The following CREB5 variants were observed in gnomAD, a reference collection of about 807,000 sequenced individuals.
CREB5 encodes cyclic AMP-responsive element-binding protein 5.
CREB5 carries 19 observed loss-of-function variants against 57.1 expected under a neutral mutation model. The observed-to-expected ratio is 0.33, with a 90% CI of 0.23 to 0.49. The LOEUF (loss-of-function observed/expected upper bound fraction) is 0.49. CREB5 is among the 20% of genes least tolerant of loss of function. The pLI is 0.99. For missense variants in CREB5, 579 were observed against 671.6 expected (o/e 0.86, Z 1.52); for synonymous variants, 238 against 238.3 (o/e 1.00, Z 0.01).
At chr7:28,585,719 A>G (rs192743980) in intron 5 of CREB5, among the ~76,000 whole-genome samples, 1 of 152,158 alleles carries the variant, frequency 6.6e-6, no homozygotes, top group African/African-American at 2.4e-5. Context: ...CACCACCAGA[A>G]TTGTTCTGGG....
chr7:28,743,102 C>T (rs537102816), intron 7 of CREB5, among the ~76,000 whole-genome samples: 7 of 152,002 alleles, frequency 4.6e-5, no homozygotes, highest in Non-Finnish European at 8.8e-5. Context: ...TTTTACTAAT[C>T]GAGTGTTGAG....
At chr7:28,551,856 T>TTTC (rs1473390370) in intron 4 of CREB5, among the ~76,000 whole-genome samples, 2 of 137,600 alleles carry the variant, frequency 1.5e-5, no homozygotes, top group African/African-American at 5.4e-5. Context: ...TCTTTCTTTC[T>TTTC]TTTCTTTCTT....
At chr7:28,334,787 T>C (rs944090787) in intron 1 of CREB5, among the ~76,000 whole-genome samples, 1 of 152,224 alleles carries the variant, frequency 6.6e-6, no homozygotes, top group Non-Finnish European at 1.5e-5. Context: ...CCCAGTCCAA[T>C]GTCCTGGAGA....
chr7:28,315,369 C>G (rs1488631075), intron 1 of CREB5, among the ~76,000 whole-genome samples: 1 of 152,200 alleles, frequency 6.6e-6, no homozygotes, highest in Non-Finnish European at 1.5e-5. Flanking sequence ...TATGATGACT[C>G]TGTTTGCAGC....
At chr7:28,692,580 A>T (rs1358028375) in intron 5 of CREB5, among the ~76,000 whole-genome samples, 1 of 152,162 alleles carries the variant, frequency 6.6e-6, no homozygotes, top group Non-Finnish European at 1.5e-5. Context: ...TCTCTGTGCC[A>T]CAGTTTCTAT....
At position 28,650,591 on chromosome 7, in the gene CREB5, TC is replaced by T. The variant is rs573974970; in HGVS notation, c.465-68154del. On this transcript the variant is annotated intron_variant, in intron 5 of 10. Transcript: ENST00000357727. ...GGCTACTAAGAATTAGCCTAGTGCT[TC>T]CCCCCCCAACCTTCCATAGGAAATT... Among the ~76,000 whole-genome samples the T allele has an allele frequency of 9.9e-5, 15 of 150,960 alleles. No individual in the cohort carries two copies. In the South Asian group the frequency reaches 1.5e-3, roughly 15 times the overall value.
chr7:28,680,968 G>C (rs1301409528), intron 5 of CREB5, among the ~76,000 whole-genome samples: 1 of 152,048 alleles, frequency 6.6e-6, no homozygotes, highest in African/African-American at 2.4e-5. Context: ...ATATTTAGCT[G>C]CTCTCACCTC....
intron 5 of CREB5, among the ~76,000 whole-genome samples, chr7:28,672,727 A>G (rs771075067): frequency 3.3e-5 from 5 of 152,184 alleles, no homozygotes; most frequent in Admixed American, 1.3e-4. Context: ...CAGTGCTGTC[A>G]TAGAAACAGC....
chr7:28,513,922 T>G (rs552285482), intron 4 of CREB5: 5 of 152,274 alleles, frequency 3.3e-5, no homozygotes, highest in African/African-American at 1.2e-4. Flanking sequence ...TGTTTTTGGG[T>G]TTTTTGGTGA....
intron 1 of CREB5, among the ~76,000 whole-genome samples, chr7:28,347,616 T>C (rs751196217): frequency 6.6e-6 from 1 of 152,186 alleles, no homozygotes; most frequent in Non-Finnish European, 1.5e-5. Context: ...TTCTAAATAA[T>C]ACTAACCCTG....
At chr7:28,331,899 T>A (rs1462409211) in intron 1 of CREB5, among the ~76,000 whole-genome samples, 1 of 151,826 alleles carries the variant, frequency 6.6e-6, no homozygotes, top group Non-Finnish European at 1.5e-5. Context: ...AATTATTTGC[T>A]TAGTCATTTG....
At chr7:28,392,433 T>G (rs73295142) in intron 1 of CREB5, among the ~76,000 whole-genome samples, 3,889 of 152,278 alleles carry the variant, frequency 0.026, 184 homozygotes, top group African/African-American at 0.089. Context: ...ATTAGCTTGG[T>G]GTAAAAATAA....
intron 5 of CREB5, among the ~76,000 whole-genome samples, chr7:28,598,902 C>T (rs1243936609): frequency 6.6e-6 from 1 of 152,208 alleles, no homozygotes; most frequent in African/African-American, 2.4e-5. Flanking sequence ...AAACAAGGGA[C>T]ACCTTGCTTT....
chr7:28,508,809 C>T (rs1433547817), intron 4 of CREB5, among the ~76,000 whole-genome samples: 5 of 152,126 alleles, frequency 3.3e-5, no homozygotes, highest in African/African-American at 7.2e-5. Flanking sequence ...ATGCTTGACT[C>T]TCTCCTCCAC....
At chr7:28,304,081 T>A (rs542781197) in intron 1 of CREB5, among the ~76,000 whole-genome samples, 1 of 152,298 alleles carries the variant, frequency 6.6e-6, no homozygotes, top group South Asian at 2.1e-4. Context: ...TAGTACCTAA[T>A]GATAGCAAGA....
intron 4 of CREB5, among the ~76,000 whole-genome samples, chr7:28,528,038 G>A (rs1793521426): frequency 1.3e-5 from 2 of 152,106 alleles, no homozygotes; most frequent in Admixed American, 1.3e-4. Context: ...AATTACATGT[G>A]CGGGTCCAGC....
At chr7:28,520,410 A>T (rs1462255177) in intron 4 of CREB5, among the ~76,000 whole-genome samples, 1 of 152,156 alleles carries the variant, frequency 6.6e-6, no homozygotes, top group Non-Finnish European at 1.5e-5. Flanking sequence ...TCATATTTGC[A>T]TTCTCCTTTC....
chr7:28,560,913 T>TGTGTGCGC (rs1211404751), intron 4 of CREB5, among the ~76,000 whole-genome samples: 4 of 21,994 alleles, frequency 1.8e-4, no homozygotes, highest in African/African-American at 3.3e-4. Context: ...CGCGTGCGTG[T>TGTGTGCGC]GCGTGTGTGC....
chr7:28,764,909 G>A (rs1013830309), intron 7 of CREB5, among the ~76,000 whole-genome samples: 1 of 152,138 alleles, frequency 6.6e-6, no homozygotes, highest in African/African-American at 2.4e-5. Context: ...AGTAACTTCA[G>A]TGTCTTAGGT....
Sources: allele counts gnomAD v4.1 joint callset (sites outside exome capture counted in the v4.1 genomes callset), GRCh38; gene constraint gnomAD v4.1.1; transcripts MANE v1.5; gene names NCBI Gene and HGNC (gene_info 2026-07-23, HGNC 2026-07-21).